Variants in RAPGEF6 observed in about 807,000 individuals in gnomAD.
RAPGEF6 encodes the protein PDZ domain containing guanine nucleotide exchange factor (GEF) 2.
Under a neutral mutation model 171.4 loss-of-function variants are expected in RAPGEF6, and 56 were observed. The observed-to-expected ratio is 0.33, with a 90% CI of 0.26 to 0.41. The LOEUF is 0.41. RAPGEF6 is among the 10% of genes least tolerant of loss of function. The pLI is 1.00. For synonymous variants in RAPGEF6, 692 were observed against 650.1 expected, an observed-to-expected ratio of 1.06 and a Z score of -0.98; for missense variants, 1,674 against 1,921.4, an observed-to-expected ratio of 0.87 and a Z score of 2.41.
At chr5:131,508,577 T>A (rs1580938289) in intron 8 of RAPGEF6, among the ~76,000 whole-genome samples, 2 of 152,182 alleles carry the variant, frequency 1.3e-5, no homozygotes, top group African/African-American at 4.8e-5. Context: ...TAGTTCTTAC[T>A]AAACAAAAGT....
At chr5:131,557,389 A>G (rs928251791) in intron 5 of RAPGEF6, among the ~76,000 whole-genome samples, 6 of 152,216 alleles carry the variant, frequency 3.9e-5, no homozygotes, top group Admixed American at 1.3e-4. Flanking sequence ...CTTGCTTGTA[A>G]GGAAAAATAC....
intron 4 of RAPGEF6, among the ~76,000 whole-genome samples, chr5:131,580,156 T>G (rs1016503711): frequency 1.3e-5 from 2 of 152,120 alleles, no homozygotes; most frequent in Non-Finnish European, 2.9e-5. Context: ...CATGGCGGGC[T>G]GCAGGTCCCC....
intron 7 of RAPGEF6, among the ~76,000 whole-genome samples, chr5:131,510,881 A>G (rs181861112): frequency 1.3e-5 from 2 of 152,230 alleles, no homozygotes; most frequent in Non-Finnish European, 2.9e-5. Context: ...CTATTAGTCT[A>G]TGCTGGGTAT....
intron 4 of RAPGEF6, among the ~76,000 whole-genome samples, chr5:131,563,771 C>T (rs971763772): frequency 2.0e-5 from 3 of 152,144 alleles, no homozygotes; most frequent in Non-Finnish European, 4.4e-5. Context: ...TCCCAAAGTG[C>T]TAGGATTACA....
intron 3 of RAPGEF6, among the ~76,000 whole-genome samples, chr5:131,596,615 G>C (rs1314541498): frequency 6.6e-6 from 1 of 151,968 alleles, no homozygotes; most frequent in Non-Finnish European, 1.5e-5. Context: ...GAGCAGAATG[G>C]ATATCCCAGA....
At chr5:131,627,504 G>A (rs1464918519) in intron 1 of RAPGEF6, among the ~76,000 whole-genome samples, 1 of 152,190 alleles carries the variant, frequency 6.6e-6, no homozygotes, top group African/African-American at 2.4e-5. Flanking sequence ...ATTAAGCACT[G>A]AGAGGGAAAT....
At chr5:131,494,506 G>A (rs1478631270) in intron 13 of RAPGEF6, among the ~76,000 whole-genome samples, 1 of 152,180 alleles carries the variant, frequency 6.6e-6, no homozygotes, top group Non-Finnish European at 1.5e-5. Context: ...AATAGGTGAG[G>A]AAAAGAAAAT....
chr5:131,580,759 C>T (rs1046371653), intron 4 of RAPGEF6, among the ~76,000 whole-genome samples: 2 of 152,298 alleles, frequency 1.3e-5, no homozygotes, highest in East Asian at 3.9e-4. Flanking sequence ...GCAGTACACC[C>T]TCTCACCTTT....
At chr5:131,629,934 T>C (rs1312167954) in intron 1 of RAPGEF6, among the ~76,000 whole-genome samples, 1 of 152,170 alleles carries the variant, frequency 6.6e-6, no homozygotes, top group Non-Finnish European at 1.5e-5. Context: ...ATGATGTACA[T>C]ATTGTTCAAA....
At chr5:131,517,710 G>T (rs1269689484) in intron 7 of RAPGEF6, among the ~76,000 whole-genome samples, 1 of 147,312 alleles carries the variant, frequency 6.8e-6, no homozygotes, top group East Asian at 2.0e-4. Context: ...AAAGATCAAG[G>T]GTCCAGTACT....
chr5:131,465,990 T>C (rs1173383483), intron 17 of RAPGEF6, among the ~76,000 whole-genome samples: 4 of 151,082 alleles, frequency 2.6e-5, no homozygotes. Flanking sequence ...TCTCAAAATG[T>C]CCTGAGGTAT....
At chr5:131,628,090 GGCCCCTAAGTGTTCAA>G (rs1766057629) in intron 1 of RAPGEF6, among the ~76,000 whole-genome samples, 2 of 152,058 alleles carry the variant, frequency 1.3e-5, no homozygotes. Flanking sequence ...ACCCTACAAT[GGCCCCTAAGTGTTCAA>G]GTGAAAAGAG....
intron 5 of RAPGEF6, among the ~76,000 whole-genome samples, chr5:131,559,645 A>G (rs1761463370): frequency 6.9e-6 from 1 of 144,280 alleles, no homozygotes; most frequent in Non-Finnish European, 1.5e-5. Context: ...AAACATAGCA[A>G]GGCTGTCTCT....
chr5:131,435,332 C>G (rs1204046529), intron 24 of RAPGEF6, among the ~76,000 whole-genome samples: 1 of 152,072 alleles, frequency 6.6e-6, no homozygotes, highest in African/African-American at 2.4e-5. Flanking sequence ...GCTGATTAGT[C>G]AATTTTTAAG....
chr5:131,511,186 A>G (rs1757695380), intron 7 of RAPGEF6: 1 of 152,194 alleles, frequency 6.6e-6, no homozygotes, highest in Non-Finnish European at 1.5e-5. Context: ...AAATTTTTAA[A>G]AACCATATAT....
At chr5:131,594,438 T>C (rs2150005512) in intron 3 of RAPGEF6, among the ~76,000 whole-genome samples, 2 of 152,304 alleles carry the variant, frequency 1.3e-5, no homozygotes, top group African/African-American at 4.8e-5. Flanking sequence ...CAGGAAGAAG[T>C]GTGCTGTAGA....
At chr5:131,620,484 A>G (rs1765531952) in intron 1 of RAPGEF6, among the ~76,000 whole-genome samples, 1 of 152,228 alleles carries the variant, frequency 6.6e-6, no homozygotes, top group Admixed American at 6.5e-5. Flanking sequence ...TGTCAATTCT[A>G]CTTTCGAAAT....
chr5:131,604,564 G>T, intron 2 of RAPGEF6, 59 bp downstream of exon 2: 1 of 1,563,088 alleles, frequency 6.4e-7, no homozygotes, highest in Non-Finnish European at 8.7e-7. Context: ...CAAATATTTG[G>T]TGAATAAATG....
intron 11 of RAPGEF6, among the ~76,000 whole-genome samples, chr5:131,500,264 T>C (rs1373641860): frequency 7.2e-5 from 11 of 152,172 alleles, no homozygotes; most frequent in African/African-American, 2.7e-4. Flanking sequence ...ACAACCTCCT[T>C]AAGAGATAAG....
Sources: allele counts gnomAD v4.1 joint callset (sites outside exome capture counted in the v4.1 genomes callset), GRCh38; gene constraint gnomAD v4.1.1; transcripts MANE v1.5; gene names NCBI Gene and HGNC (gene_info 2026-07-23, HGNC 2026-07-21).